Variants in ADGRL2 observed in about 807,000 individuals in gnomAD.
ADGRL2 encodes the protein adhesion G protein-coupled receptor L2, also known as calcium-independent alpha-latrotoxin receptor 2.
Under a neutral mutation model 157.4 loss-of-function variants are expected in ADGRL2, and 44 were observed. The observed-to-expected ratio is 0.28, with a 90% CI of 0.22 to 0.36. The LOEUF (loss-of-function observed/expected upper bound fraction) is 0.36. Ranked by LOEUF, ADGRL2 falls within the 10% of genes least tolerant of loss-of-function variation. The probability of loss-of-function intolerance (pLI) is 1.00; values close to 1 mark genes in which losing one functional copy is unlikely to be tolerated. For missense variants in ADGRL2, 1,510 were observed against 1,768.9 expected, an observed-to-expected ratio of 0.85 and a Z score of 2.63; for synonymous variants, 585 against 624.7, an observed-to-expected ratio of 0.94 and a Z score of 0.95.
chr1:81,562,046 G>A (rs1182600850), intron 2 of ADGRL2, among the ~76,000 whole-genome samples: 1 of 152,024 alleles, frequency 6.6e-6, no homozygotes, highest in Non-Finnish European at 1.5e-5. Context: ...TAATTTTTAA[G>A]GTAAAAGACA....
At chr1:81,657,930 C>T (rs747326065) in intron 3 of ADGRL2, among the ~76,000 whole-genome samples, 68 of 151,848 alleles carry the variant, frequency 4.5e-4, no homozygotes, top group Admixed American at 2.6e-4. Flanking sequence ...TGTAAGGAGA[C>T]GTAAATTACT....
intron 2 of ADGRL2, among the ~76,000 whole-genome samples, chr1:81,550,362 A>G (rs1298845248): frequency 1.3e-5 from 2 of 152,206 alleles, no homozygotes; most frequent in Non-Finnish European, 2.9e-5. Context: ...AAAGTAACAC[A>G]GTAAATTTCA....
intron 1 of ADGRL2, among the ~76,000 whole-genome samples, chr1:81,374,514 G>A (rs976174709): frequency 6.8e-6 from 1 of 146,780 alleles, no homozygotes; most frequent in Non-Finnish European, 1.5e-5. Flanking sequence ...GGAGGTTGCA[G>A]TGAGCTGAGA....
chr1:81,795,353 C>A (rs1236933771), intron 2 of ADGRL2, among the ~76,000 whole-genome samples: 2 of 151,802 alleles, frequency 1.3e-5, no homozygotes, highest in East Asian at 3.9e-4. Context: ...ACACTCCAGC[C>A]CAAGCTGGAG....
Position 81,322,087 on chromosome 1 carries a change from C to CATATATATATATAT in ADGRL2, c.-302+15588_-302+15601dup, listed in dbSNP as rs148181887. Among the ~76,000 whole-genome samples, 300 of 111,338 alleles carry CATATATATATATAT rather than the reference C, an allele frequency of 2.7e-3. 4 individuals carry two copies. Among genetic ancestry groups the CATATATATATATAT allele is most frequent in the South Asian group, 0.011 (35 of 3,178 alleles). 73.0% of individuals were successfully genotyped at this position (111,338 alleles called of 152,430 possible). On this transcript the variant is annotated intron_variant, in intron 1 of 24. Coordinates refer to the ADGRL2 transcript ENST00000370721. ...CTTCCTTAAATGTACAGGACTAATT[C>CATATATATATATAT]ATATATATATATATATATATATACA...
intron 3 of ADGRL2, among the ~76,000 whole-genome samples, chr1:81,920,883 AG>A (rs2094962445): frequency 6.6e-6 from 1 of 152,024 alleles, no homozygotes; most frequent in Non-Finnish European, 1.5e-5. Flanking sequence ...ACAAAAAAAA[AG>A]CCCAATTCAG....
intron 1 of ADGRL2, among the ~76,000 whole-genome samples, chr1:81,314,204 C>A (rs570239171): frequency 6.6e-6 from 1 of 152,122 alleles, no homozygotes; most frequent in Non-Finnish European, 1.5e-5. Flanking sequence ...ACTGCTGTGA[C>A]GTAATCTTCA....
chr1:81,557,230 C>T (rs889715392), intron 2 of ADGRL2: 4 of 189,862 alleles, frequency 2.1e-5, no homozygotes, highest in Admixed American at 5.8e-5. Context: ...TTGATGTCCT[C>T]CAGCACCTGG....
chr1:81,903,146 T>G (rs2094519134), intron 2 of ADGRL2, among the ~76,000 whole-genome samples: 1 of 152,184 alleles, frequency 6.6e-6, no homozygotes, highest in South Asian at 2.1e-4. Context: ...AAAATGACTT[T>G]GCCCAAAGTC....
intron 3 of ADGRL2, among the ~76,000 whole-genome samples, chr1:81,612,560 C>T (rs1000980777): frequency 2.0e-5 from 3 of 151,958 alleles, no homozygotes; most frequent in African/African-American, 7.3e-5. Flanking sequence ...GCAGAGCATA[C>T]ATTATGCACA....
chr1:81,744,232 C>T (rs1185347468), intron 1 of ADGRL2, among the ~76,000 whole-genome samples: 1 of 152,078 alleles, frequency 6.6e-6, no homozygotes, highest in Non-Finnish European at 1.5e-5. Flanking sequence ...AAATCACTAT[C>T]CATTAAAATA....
At chr1:81,410,051 A>C (rs887862190) in intron 1 of ADGRL2, among the ~76,000 whole-genome samples, 1 of 152,212 alleles carries the variant, frequency 6.6e-6, no homozygotes, top group African/African-American at 2.4e-5. Context: ...GCACGTTCCA[A>C]AGCTTAGTAA....
intron 2 of ADGRL2, among the ~76,000 whole-genome samples, chr1:81,540,195 C>G (rs184125498): frequency 9.9e-4 from 150 of 152,224 alleles, no homozygotes; most frequent in Non-Finnish European, 1.7e-3. Flanking sequence ...TAGACTAAAT[C>G]TTAAAACTTT....
chr1:81,583,529 A>C (rs1272460610), intron 3 of ADGRL2, among the ~76,000 whole-genome samples: 2 of 152,172 alleles, frequency 1.3e-5, no homozygotes, highest in Non-Finnish European at 2.9e-5. Flanking sequence ...AATCCCTTCC[A>C]GACACTTGAC....
At chr1:81,578,147 A>T (rs1024549292) in intron 2 of ADGRL2, among the ~76,000 whole-genome samples, 2 of 152,188 alleles carry the variant, frequency 1.3e-5, no homozygotes, top group African/African-American at 4.8e-5. Flanking sequence ...ATAGCTTTGT[A>T]ATAGTTATAC....
rs1661072010 is a variant in ADGRL2 at position 81,328,796 on chromosome 1, T to G, written c.-302+22287T>G. ...AAGCTAGCTCTAGCCACCCCACTCT[T>G]CCTCCTACACACAGAAAAATGCTAT... On this transcript the variant is annotated intron_variant, in intron 1 of 24. Transcript: ENST00000370721. Among the ~76,000 whole-genome samples, 3 of 151,974 alleles carry G rather than the reference T, an allele frequency of 2.0e-5. No individual in the cohort carries two copies. The South Asian group carries it at 6.2e-4, about 32-fold the overall frequency.
intron 2 of ADGRL2, among the ~76,000 whole-genome samples, chr1:81,537,739 AC>A (rs1199346316): frequency 2.8e-5 from 4 of 142,518 alleles, no homozygotes; most frequent in Non-Finnish European, 4.5e-5. Flanking sequence ...CACTCTTGTC[AC>A]CCAGTCTGGA....
At chr1:81,745,584 T>A (rs2149241546) in intron 1 of ADGRL2, among the ~76,000 whole-genome samples, 1 of 152,340 alleles carries the variant, frequency 6.6e-6, no homozygotes, top group African/African-American at 2.4e-5. Context: ...GTGTTATTCA[T>A]GTAAATACAA....
At chr1:81,793,691 C>T (rs994765440) in intron 2 of ADGRL2, among the ~76,000 whole-genome samples, 10 of 151,782 alleles carry the variant, frequency 6.6e-5, no homozygotes, top group African/African-American at 9.7e-5. Context: ...TCCTCCTGTA[C>T]GGAAATAGTC....
Sources: allele counts gnomAD v4.1 joint callset (sites outside exome capture counted in the v4.1 genomes callset), GRCh38; gene constraint gnomAD v4.1.1; transcripts MANE v1.5; gene names NCBI Gene and HGNC (gene_info 2026-07-23, HGNC 2026-07-21).